Variants in PAH observed in about 807,000 individuals in gnomAD.
PAH encodes phenylalanine hydroxylase, also known as phenylalanine-4-hydroxylase.
PAH carries 64 observed loss-of-function variants against 62.0 expected under a neutral mutation model. That is an observed-to-expected ratio of 1.03 (90% CI 0.84 to 1.27). The LOEUF is 1.27. Among genes scored for constraint, PAH ranks in the 50% most tolerant of loss-of-function variants. PAH has a pLI of 0.00. For missense variants in PAH, 579 were observed against 542.8 expected (o/e 1.07, Z -0.66); for synonymous variants, 195 against 196.2 (o/e 0.99, Z 0.05).
chr12:102,841,749 C>T (rs1874604789), intron 11 of PAH, among the ~76,000 whole-genome samples: 1 of 152,208 alleles, frequency 6.6e-6, no homozygotes, highest in South Asian at 2.1e-4. Context: ...CCTCTTCCTC[C>T]TTCTTCCCAT....
intron 8 of PAH, chr12:102,847,152 C>T (rs1874888993): frequency 1.7e-6 from 1 of 603,868 alleles, no homozygotes. Flanking sequence ...CTTCCACCCT[C>T]ACTTGGCCCT....
chr12:102,861,966 T>A (rs371867879), intron 5 of PAH, among the ~76,000 whole-genome samples: 437 of 128,282 alleles, frequency 3.4e-3, no homozygotes, highest in Non-Finnish European at 4.2e-3. Context: ...ACTTAAAGTA[T>A]AAAAAAAAAA....
upstream of PAH, among the ~76,000 whole-genome samples, chr12:102,917,863 T>C (rs1878449150): frequency 6.6e-6 from 1 of 152,148 alleles, no homozygotes; most frequent in African/African-American, 2.4e-5. Context: ...GTTTTAAGAA[T>C]AGGAATAAAG....
At chr12:102,844,487 A>G (rs901081527) in intron 9 of PAH, 56 bp from the exon 10 acceptor site, 1 of 1,145,396 alleles carries the variant, frequency 8.7e-7, no homozygotes, top group Non-Finnish European at 1.3e-6. Context: ...TTTATGTGTC[A>G]CCTTGACTGG....
At chr12:102,899,675 C>A (rs934074880) in intron 2 of PAH, among the ~76,000 whole-genome samples, 1 of 150,294 alleles carries the variant, frequency 6.7e-6, no homozygotes, top group African/African-American at 2.5e-5. Context: ...CCAGCTAAAA[C>A]GGTGAAACCC....
chr12:102,956,612 C>T (rs1879919918), intron 1 of PAH, among the ~76,000 whole-genome samples: 1 of 152,188 alleles, frequency 6.6e-6, no homozygotes, highest in Non-Finnish European at 1.5e-5. Context: ...TAAGCGCCAT[C>T]ACTCAACCCC....
intron 4 of PAH, among the ~76,000 whole-genome samples, chr12:102,869,419 A>G (rs1162595373): frequency 6.6e-6 from 1 of 152,282 alleles, no homozygotes; most frequent in Non-Finnish European, 1.5e-5. Context: ...GGGAAAAATA[A>G]GTAACACTAA....
chr12:102,918,165 G>A (rs551337068), upstream of PAH, among the ~76,000 whole-genome samples: 87 of 152,286 alleles, frequency 5.7e-4, no homozygotes, highest in African/African-American at 2.0e-3. Context: ...GTGGGATTTG[G>A]CCAGTGGTCT....
At chr12:102,919,466 G>T (rs1348177267), upstream of PAH, among the ~76,000 whole-genome samples, 1 of 151,946 alleles carries the variant, frequency 6.6e-6, no homozygotes, top group Non-Finnish European at 1.5e-5. Flanking sequence ...TACTCTTTCA[G>T]GTATTTTTAA....
At chr12:102,899,858 C>CAAAGAAAAAA (rs1877673596) in intron 2 of PAH, among the ~76,000 whole-genome samples, 1 of 9,532 alleles carries the variant, frequency 1.0e-4, no homozygotes, top group Admixed American at 2.7e-3. Flanking sequence ...GACTCCGTCT[C>CAAAGAAAAAA]AAAAAAAAAA....
At chr12:102,939,636 G>A (rs1002422817) in intron 1 of PAH, among the ~76,000 whole-genome samples, 2 of 152,146 alleles carry the variant, frequency 1.3e-5, no homozygotes, top group Non-Finnish European at 2.9e-5. Context: ...TTTCTTCACT[G>A]TGAGACCCTG....
At chr12:102,954,699 A>T (rs2136780931), upstream of PAH, among the ~76,000 whole-genome samples, 1 of 152,290 alleles carries the variant, frequency 6.6e-6, no homozygotes, top group Middle Eastern at 3.4e-3. Context: ...AATCTAGGTC[A>T]CACAGTCAGA....
At chr12:102,930,866 T>A (rs1012928706) in intron 1 of PAH, among the ~76,000 whole-genome samples, 1 of 152,206 alleles carries the variant, frequency 6.6e-6, no homozygotes, top group Non-Finnish European at 1.5e-5. Flanking sequence ...TCTTTAGTGG[T>A]TCTACAACTA....
chr12:102,879,742 G>A (rs1448381413), intron 3 of PAH, among the ~76,000 whole-genome samples: 2 of 152,224 alleles, frequency 1.3e-5, no homozygotes, highest in East Asian at 3.9e-4. Flanking sequence ...TGACTCTCTG[G>A]CCTCTGGTCT....
intron 5 of PAH, among the ~76,000 whole-genome samples, chr12:102,859,231 A>G (rs889439434): frequency 3.3e-5 from 5 of 152,088 alleles, no homozygotes; most frequent in Non-Finnish European, 5.9e-5. Flanking sequence ...TAGAAGAAAT[A>G]GATAAATTCC....
chr12:102,937,161 T>A (rs7137614), intron 1 of PAH, among the ~76,000 whole-genome samples: 4,800 of 152,292 alleles, frequency 0.032, 261 homozygotes, highest in African/African-American at 0.11. Flanking sequence ...GTCAATTAAA[T>A]CTCTTTCCTT....
intron 3 of PAH, among the ~76,000 whole-genome samples, chr12:102,882,785 G>A (rs890318561): frequency 6.6e-6 from 1 of 151,728 alleles, no homozygotes; most frequent in African/African-American, 2.4e-5. Flanking sequence ...TAACTGGCAA[G>A]TGTCTTATCT....
At chr12:102,891,425 G>T (rs1264519627) in intron 3 of PAH, among the ~76,000 whole-genome samples, 1 of 152,122 alleles carries the variant, frequency 6.6e-6, no homozygotes, top group Non-Finnish European at 1.5e-5. Context: ...GACCTCTCAG[G>T]TCATTTTCCA....
upstream of PAH, among the ~76,000 whole-genome samples, chr12:102,952,330 T>C (rs187984579): frequency 9.6e-4 from 146 of 152,168 alleles, no homozygotes; most frequent in African/African-American, 3.2e-3. Flanking sequence ...TTTTTTCTTC[T>C]CCAGCTATTC....
Sources: allele counts gnomAD v4.1 joint callset (sites outside exome capture counted in the v4.1 genomes callset), GRCh38; gene constraint gnomAD v4.1.1; transcripts MANE v1.5; gene names NCBI Gene and HGNC (gene_info 2026-07-23, HGNC 2026-07-21).